Variants in NPHP1 observed in about 807,000 individuals in gnomAD.
NPHP1 encodes the protein nephrocystin 1.
NPHP1 carries 70 observed loss-of-function variants against 90.4 expected under a neutral mutation model. The observed-to-expected ratio is 0.77, with a 90% confidence interval of 0.64 to 0.95. The LOEUF (loss-of-function observed/expected upper bound fraction) is 0.95, where lower values mean the gene tolerates loss of function less well. Among genes scored for constraint, NPHP1 ranks in the 40% least tolerant of loss-of-function variants. The pLI, the probability that NPHP1 is intolerant of heterozygous loss-of-function variation, is 0.00. For missense variants in NPHP1, 764 were observed against 795.9 expected, an observed-to-expected ratio of 0.96 and a Z score of 0.48; for synonymous variants, 256 against 271.7, an observed-to-expected ratio of 0.94 and a Z score of 0.57.
chr2:110,159,619 T>C (rs1338044083), intron 11 of NPHP1, among the ~76,000 whole-genome samples: 1 of 152,104 alleles, frequency 6.6e-6, no homozygotes, highest in Non-Finnish European at 1.5e-5. Flanking sequence ...GGATCTGTGA[T>C]AATGTCTCTA....
At chr2:110,126,020 C>T in intron 18 of NPHP1, 1 of 333,412 alleles carries the variant, frequency 3.0e-6, no homozygotes, top group South Asian at 3.3e-5. Context: ...CCAAGTAAGA[C>T]AGTAATGAAA....
At chr2:110,125,873 T>C in intron 18 of NPHP1, 192 bp from the exon 19 acceptor site, 1 of 613,528 alleles carries the variant, frequency 1.6e-6, no homozygotes, top group Non-Finnish European at 2.9e-6. Context: ...CAGGCAGATG[T>C]ATCTGTGAAA....
intron 2 of NPHP1, among the ~76,000 whole-genome samples, chr2:110,185,750 G>A (rs1559096390): frequency 6.6e-6 from 1 of 152,176 alleles, no homozygotes; most frequent in African/African-American, 2.4e-5. Context: ...AGCTAATACA[G>A]AGACTGGAAA....
chr2:110,147,014 G>A (rs112631587), intron 13 of NPHP1, among the ~76,000 whole-genome samples, 179 bp from the exon 14 acceptor site: 1 of 152,112 alleles, frequency 6.6e-6, no homozygotes, highest in African/African-American at 2.4e-5. Context: ...AGATATTAAA[G>A]GTAGTATATC....
At chr2:110,204,441 A>G (rs892726640) in intron 1 of NPHP1, among the ~76,000 whole-genome samples, 1 of 152,084 alleles carries the variant, frequency 6.6e-6, no homozygotes, top group Non-Finnish European at 1.5e-5. Flanking sequence ...CTTGACACCT[A>G]TTTCGCTTGA....
chr2:110,168,876 C>T lies in NPHP1; in HGVS notation c.523-323G>A, dbSNP rs114292676. ...ACTTATTCCAAAAATTCAATTACTG[C>T]GTAAAATATTTTTGAATGTTTTAAT... On this transcript the variant is annotated intron_variant, in intron 5 of 19. Coordinates refer to ENST00000445609, the MANE Select transcript of NPHP1 (RefSeq NM_001128178.3). 3.6e-3 allele frequency among the ~76,000 whole-genome samples: 540 copies of T among 152,056 alleles called. 1 individual carries two copies. The highest frequency in any genetic ancestry group is 0.012 in the African/African-American group (508 of 41,476).
At chr2:110,184,786 G>A in intron 2 of NPHP1, 1 of 709,770 alleles carries the variant, frequency 1.4e-6, no homozygotes, top group South Asian at 1.4e-5. Flanking sequence ...TAGAGACAGA[G>A]AAGGCTCAGT....
intron 16 of NPHP1, among the ~76,000 whole-genome samples, chr2:110,132,858 GATGT>G (rs1488248678): frequency 6.6e-6 from 1 of 151,966 alleles, no homozygotes; most frequent in Admixed American, 6.6e-5. Flanking sequence ...ATAACTTTAG[GATGT>G]TATATGTAAT....
At chr2:110,143,093 G>A (rs1247680547) in intron 16 of NPHP1, among the ~76,000 whole-genome samples, 3 of 152,106 alleles carry the variant, frequency 2.0e-5, no homozygotes, top group Non-Finnish European at 2.9e-5. Context: ...ACTACAAAGG[G>A]GCATGAGATA....
rs1233022011 is a variant in NPHP1, at chr2:110,156,764, A to G, written c.1083+3363T>C. On this transcript the variant is annotated intron_variant, in intron 11 of 19. Transcript: ENST00000445609. ...AATGCCTTTGGTTTTGTGTGTGTGT[A>G]TGTGTTTTGGTTTCTGTTTTTTTTT... is the stretch of plus-strand genomic sequence containing the variant. Among the ~76,000 whole-genome samples the G allele has an allele frequency of 2.0e-5, 3 of 146,866 alleles. 1 individual carries two copies. The Admixed American group carries it at 2.0e-4, about 10-fold the overall frequency.
chr2:110,143,313 T>G (rs1474594812), intron 16 of NPHP1, among the ~76,000 whole-genome samples: 4 of 152,190 alleles, frequency 2.6e-5, no homozygotes, highest in African/African-American at 9.6e-5. Context: ...TTCTATTTAC[T>G]AGATGGCTCA....
At chr2:110,124,924 T>C (rs1054360720) in intron 19 of NPHP1, 8 of 291,218 alleles carry the variant, frequency 2.7e-5, no homozygotes, top group Non-Finnish European at 5.0e-5. Context: ...ATTTTCCTTG[T>C]AGATAATGAA....
At chr2:110,191,585 G>A (rs903688170) in intron 2 of NPHP1, among the ~76,000 whole-genome samples, 7 of 152,190 alleles carry the variant, frequency 4.6e-5, no homozygotes, top group African/African-American at 1.4e-4. Flanking sequence ...CTGGGGACAG[G>A]GCATAGCCAA....
intron 2 of NPHP1, among the ~76,000 whole-genome samples, chr2:110,192,321 T>C (rs1298607828): frequency 1.3e-5 from 2 of 152,172 alleles, no homozygotes; most frequent in African/African-American, 2.4e-5. Flanking sequence ...AAGGACCTGA[T>C]GGAGCTGAAA....
At chr2:110,141,397 T>G (rs922715134) in intron 16 of NPHP1, among the ~76,000 whole-genome samples, 2 of 152,142 alleles carry the variant, frequency 1.3e-5, no homozygotes, top group Non-Finnish European at 2.9e-5. Flanking sequence ...TTATTATTAT[T>G]ATGTCCATTT....
chr2:110,195,444 C>G (rs1030967455), intron 2 of NPHP1, among the ~76,000 whole-genome samples: 4 of 152,092 alleles, frequency 2.6e-5, no homozygotes, highest in Admixed American at 1.3e-4. Context: ...ATCCAACTTA[C>G]AAGGGATGTG....
At chr2:110,192,661 A>G (rs1240469002) in intron 2 of NPHP1, among the ~76,000 whole-genome samples, 3 of 152,164 alleles carry the variant, frequency 2.0e-5, no homozygotes, top group Non-Finnish European at 4.4e-5. Context: ...AGAAAACGCC[A>G]CAAAGATACT....
In NPHP1 at chr2:110,178,483, T is replaced by A; in HGVS notation, c.269A>T (p.Asp90Val). 6.2e-7 allele frequency: 1 copy of A among 1,613,810 alleles called. No homozygotes were observed. Among genetic ancestry groups the A allele is most frequent in the Non-Finnish European group, 8.5e-7 (1 of 1,179,750 alleles). The change falls in exon 4 of 20, where the codon GAC becomes GTC. Residue 90 changes from aspartate to valine, a missense_variant. Physicochemically the swap from Asp to Val is radical, Grantham distance 152 (BLOSUM62 -3). Transcript: ENST00000445609. ...QRKEEEHTLL[D>V]KLTQQLQGLA... ...GCCCTGCAGTTGTTGGGTAAGCTTG[T>A]CCAAAAGAGTATGCTCCTCTTCTTT...
At chr2:110,167,697 A>G (rs1024947910) in intron 6 of NPHP1, among the ~76,000 whole-genome samples, 8 of 152,154 alleles carry the variant, frequency 5.3e-5, no homozygotes, top group African/African-American at 1.7e-4. Context: ...ATGTATAGCC[A>G]GTCAGTCAGA....
Sources: gnomAD v4.1 joint callset for allele counts (sites outside exome capture counted in the v4.1 genomes callset) on GRCh38, gnomAD v4.1.1 for gene constraint, MANE v1.5 for transcripts, NCBI Gene and HGNC (gene_info 2026-07-23, HGNC 2026-07-21) for gene names.